Variants in MAML2 observed in about 807,000 individuals in gnomAD.
MAML2 encodes mastermind like transcriptional coactivator 2.
MAML2 carries 22 observed loss-of-function variants against 96.1 expected under a neutral mutation model. The ratio of observed to expected loss-of-function variants is 0.23; its 90% CI spans 0.16 to 0.33. MAML2 has a LOEUF of 0.33. Ranked by LOEUF, MAML2 falls within the 10% of genes least tolerant of loss-of-function variation. The pLI, the probability that MAML2 is intolerant of heterozygous loss-of-function variation, is 1.00. For synonymous variants in MAML2, 561 were observed against 521.3 expected (o/e 1.08, Z -1.04); for missense variants, 1,367 against 1,392.4 (o/e 0.98, Z 0.29).
intron 1 of MAML2, among the ~76,000 whole-genome samples, chr11:96,296,609 C>T (rs559872359): frequency 4.6e-5 from 7 of 152,202 alleles, no homozygotes; most frequent in African/African-American, 1.7e-4. Context: ...TGCCACTGCA[C>T]TCCAGCCTGG....
At chr11:96,108,801 G>T (rs1186886926) in intron 1 of MAML2, among the ~76,000 whole-genome samples, 4 of 152,100 alleles carry the variant, frequency 2.6e-5, no homozygotes, top group Non-Finnish European at 5.9e-5. Flanking sequence ...GGAAGGCCAA[G>T]ACAGGCAGAT....
intron 2 of MAML2, among the ~76,000 whole-genome samples, chr11:96,045,136 T>G (rs1383509321): frequency 6.6e-6 from 1 of 152,174 alleles, no homozygotes; most frequent in Non-Finnish European, 1.5e-5. Context: ...AAGAGCAGCC[T>G]TTTTCTAATT....
intron 2 of MAML2, among the ~76,000 whole-genome samples, chr11:95,998,074 C>G (rs1858019945): frequency 6.6e-6 from 1 of 152,052 alleles, no homozygotes; most frequent in South Asian, 2.1e-4. Context: ...GCAACAGCTT[C>G]CTTATATAGC....
chr11:96,287,981 A>G (rs2135990070), intron 1 of MAML2, among the ~76,000 whole-genome samples: 1 of 152,318 alleles, frequency 6.6e-6, no homozygotes, highest in South Asian at 2.1e-4. Flanking sequence ...AGGGCCCTAC[A>G]TAAACTCTGA....
intron 1 of MAML2, among the ~76,000 whole-genome samples, chr11:96,334,408 C>T (rs1048911696): frequency 2.6e-5 from 4 of 152,082 alleles, no homozygotes; most frequent in Admixed American, 2.0e-4. Context: ...ATTTCACAGT[C>T]GAGAAAACTG....
chr11:96,106,807 C>T (rs1423717884), intron 1 of MAML2, among the ~76,000 whole-genome samples: 7 of 152,116 alleles, frequency 4.6e-5, no homozygotes, highest in African/African-American at 1.7e-4. Context: ...GCCACTGGGA[C>T]TTAACTCCCC....
At chr11:96,329,732 T>TAAGTAGGTATA (rs1863829878) in intron 1 of MAML2, among the ~76,000 whole-genome samples, 1 of 152,226 alleles carries the variant, frequency 6.6e-6, no homozygotes, top group Non-Finnish European at 1.5e-5. Context: ...ATAAGTATAG[T>TAAGTAGGTATA]AAGTAGGTAT....
intron 2 of MAML2, among the ~76,000 whole-genome samples, chr11:96,021,675 T>C (rs1858437339): frequency 6.6e-6 from 1 of 152,244 alleles, no homozygotes; most frequent in Non-Finnish European, 1.5e-5. Context: ...CCAACACCTA[T>C]AGTCCAAGAG....
rs377054506 is a variant in MAML2, at chr11:96,124,683, G to A, written c.514-31166C>T. On this transcript the variant is annotated intron_variant, in intron 1 of 4. Transcript: ENST00000524717. The stretch of plus-strand genomic sequence containing the variant: ...TGATTTTGTCTATTTAAACACACGC[G>A]TGTGTGTGCGTGTGTGTGAGACAGA... 6.0e-3 allele frequency among the ~76,000 whole-genome samples: 910 copies of A among 152,164 alleles called. 2 individuals are homozygous for A. The highest frequency in any genetic ancestry group is 0.011 in the Non-Finnish European group (728 of 68,002).
chr11:96,104,809 G>C (rs553690867), intron 1 of MAML2, among the ~76,000 whole-genome samples: 1 of 152,074 alleles, frequency 6.6e-6, no homozygotes, highest in Non-Finnish European at 1.5e-5. Context: ...GAAGGAGAAG[G>C]GGAGAGGAAG....
At chr11:96,295,452 C>A (rs566678309) in intron 1 of MAML2, among the ~76,000 whole-genome samples, 1 of 152,124 alleles carries the variant, frequency 6.6e-6, no homozygotes, top group Non-Finnish European at 1.5e-5. Flanking sequence ...AGTTGACGCA[C>A]GCTAAGGTAC....
intron 1 of MAML2, among the ~76,000 whole-genome samples, chr11:96,243,966 T>C (rs1488147264): frequency 6.6e-6 from 1 of 152,202 alleles, no homozygotes; most frequent in Non-Finnish European, 1.5e-5. Flanking sequence ...AACCACGACA[T>C]AGGTACTCAG....
At chr11:96,010,464 A>C (rs534235030) in intron 2 of MAML2, among the ~76,000 whole-genome samples, 1 of 152,342 alleles carries the variant, frequency 6.6e-6, no homozygotes, top group South Asian at 2.1e-4. Context: ...CACTTCTGGG[A>C]TCAAGTGGAA....
intron 2 of MAML2, among the ~76,000 whole-genome samples, chr11:96,041,541 GGAAA>G (rs1252402135): frequency 8.0e-5 from 12 of 150,574 alleles, no homozygotes; most frequent in East Asian, 1.9e-4. Flanking sequence ...AAGGAGGAAG[GGAAA>G]GAAAGAAAGA....
intron 1 of MAML2, among the ~76,000 whole-genome samples, chr11:96,314,229 G>A (rs1863596039): frequency 6.6e-6 from 1 of 152,216 alleles, no homozygotes; most frequent in Non-Finnish European, 1.5e-5. Flanking sequence ...ACCAAAACGG[G>A]ACAAGAGTCA....
intron 3 of MAML2, 115 bp from the exon 4 acceptor site, chr11:95,985,757 G>A (rs371771448): frequency 2.8e-5 from 18 of 634,392 alleles, no homozygotes; most frequent in Admixed American, 2.7e-4. Flanking sequence ...GCAATCATGG[G>A]TTACAAATCA....
intron 1 of MAML2, among the ~76,000 whole-genome samples, chr11:96,225,061 T>C (rs899632517): frequency 1.3e-5 from 2 of 152,156 alleles, no homozygotes; most frequent in Non-Finnish European, 2.9e-5. Context: ...AATGTTTAGG[T>C]ATTTTAGTGT....
chr11:96,094,762 C>A (rs987114841), intron 1 of MAML2, among the ~76,000 whole-genome samples: 1 of 152,046 alleles, frequency 6.6e-6, no homozygotes, highest in African/African-American at 2.4e-5. Context: ...TGCTGCAGAC[C>A]CACTGAAATT....
intron 1 of MAML2, among the ~76,000 whole-genome samples, chr11:96,175,879 G>T (rs1481398701): frequency 6.6e-6 from 1 of 152,116 alleles, no homozygotes; most frequent in Non-Finnish European, 1.5e-5. Flanking sequence ...TGGGATTACA[G>T]GCATGAGCCA....
Sources: allele counts gnomAD v4.1 joint callset (sites outside exome capture counted in the v4.1 genomes callset), GRCh38; gene constraint gnomAD v4.1.1; transcripts MANE v1.5; gene names NCBI Gene and HGNC (gene_info 2026-07-23, HGNC 2026-07-21).